LARGE1: variants seen among roughly 807,000 people sequenced by gnomAD.
The protein encoded by LARGE1 is LARGE xylosyl- and glucuronyltransferase 1.
A neutral mutation model predicts 87.6 loss-of-function variants in LARGE1; 43 were observed. That is an observed-to-expected ratio of 0.49 (90% CI 0.38 to 0.63). The LOEUF (loss-of-function observed/expected upper bound fraction) is 0.63. LARGE1 is among the 30% of genes least tolerant of loss of function. The pLI, the probability that LARGE1 is intolerant of heterozygous loss-of-function variation, is 0.00. For missense variants in LARGE1, 802 were observed against 1,000.2 expected, an observed-to-expected ratio of 0.80 and a Z score of 2.67; for synonymous variants, 434 against 394.6, an observed-to-expected ratio of 1.10 and a Z score of -1.18.
chr22:33,322,091 T>C (rs1347294594), intron 10 of LARGE1, among the ~76,000 whole-genome samples: 1 of 152,180 alleles, frequency 6.6e-6, no homozygotes, highest in Non-Finnish European at 1.5e-5. Context: ...AGTGCTGAGA[T>C]TACGGGCATG....
chr22:33,156,284 C>A, the LARGE1 span, among the ~76,000 whole-genome samples: 1 of 152,124 alleles, frequency 6.6e-6, no homozygotes, highest in East Asian at 1.9e-4. Context: ...TCTGGAAAAA[C>A]CACAGACACT....
At chr22:33,538,941 G>T (rs2077113044) in intron 6 of LARGE1, among the ~76,000 whole-genome samples, 1 of 152,076 alleles carries the variant, frequency 6.6e-6, no homozygotes, top group Admixed American at 6.6e-5. Flanking sequence ...CACATTTGAA[G>T]GTTGTGAAAA....
intron 6 of LARGE1, among the ~76,000 whole-genome samples, chr22:33,470,062 T>G (rs1601985059): frequency 1.3e-5 from 2 of 151,604 alleles, no homozygotes; most frequent in Admixed American, 6.6e-5. Context: ...GCTAATTTTT[T>G]GTATTTTTTA....
At chr22:33,111,260 G>A in the LARGE1 span, among the ~76,000 whole-genome samples, 22 of 152,084 alleles carry the variant, frequency 1.4e-4, no homozygotes, top group African/African-American at 4.1e-4. Context: ...TCTCAGGATC[G>A]CCGCTTCCTT....
At chr22:33,502,186 A>T (rs1041265868) in intron 6 of LARGE1, among the ~76,000 whole-genome samples, 2 of 101,418 alleles carry the variant, frequency 2.0e-5, no homozygotes, top group African/African-American at 7.4e-5. Flanking sequence ...GCAGAGTGAG[A>T]CCCCATCTTA....
At chr22:33,378,624 T>C (rs2065060741) in intron 9 of LARGE1, among the ~76,000 whole-genome samples, 1 of 152,232 alleles carries the variant, frequency 6.6e-6, no homozygotes, top group Non-Finnish European at 1.5e-5. Context: ...TTCTATACTC[T>C]CACACAGAAG....
At position 33,273,423 on chromosome 22, in the gene LARGE1, G is replaced by A; in HGVS notation, c.*1004C>T. ...TGAATCTTCAGAACTGGGCTTTCAT[G>A]AATTATGAAAGTTCTTCGAAAGGCC... On this transcript the variant is annotated 3_prime_UTR_variant, in exon 15 of 15. Transcript: ENST00000397394. The A allele has an allele frequency of 2.5e-6, 1 of 398,672 alleles. No individual in the cohort carries two copies. Among genetic ancestry groups the A allele is most frequent in the Non-Finnish European group, 4.4e-6 (1 of 226,070 alleles). 24.7% of individuals were successfully genotyped at this position (398,672 alleles called of 1,614,324 possible).
At chr22:33,183,636 A>ACTCACG (rs71187246) in intron 11 of LARGE1, among the ~76,000 whole-genome samples, 1 of 150,146 alleles carries the variant, frequency 6.7e-6, no homozygotes, top group African/African-American at 2.5e-5. Context: ...ACACACACAC[A>ACTCACG]CACACACACA....
intron 2 of LARGE1, among the ~76,000 whole-genome samples, chr22:33,688,182 T>C (rs979040186): frequency 6.6e-6 from 1 of 152,148 alleles, no homozygotes; most frequent in Non-Finnish European, 1.5e-5. Flanking sequence ...TGTCCACCTA[T>C]AAAGTAGAGG....
intron 2 of LARGE1, among the ~76,000 whole-genome samples, chr22:33,688,908 T>G (rs1424172627): frequency 1.3e-5 from 2 of 152,054 alleles, no homozygotes; most frequent in African/African-American, 4.8e-5. Flanking sequence ...TCCCTAATTT[T>G]TCCACCACTC....
At chr22:33,291,397 C>T (rs959402432) in intron 12 of LARGE1, among the ~76,000 whole-genome samples, 1 of 152,060 alleles carries the variant, frequency 6.6e-6, no homozygotes, top group Non-Finnish European at 1.5e-5. Context: ...GTCTGTCTAC[C>T]CTTATGCATT....
rs1252748236 is a variant in LARGE1 at position 33,187,905 on chromosome 22, G to A, written c.1731-21073C>T. On this transcript the variant is annotated intron_variant, in intron 11 of 11. Coordinates refer to the LARGE1 transcript ENST00000608642. ...CACCACTGCACTCTCCTGGGCAACA[G>A]AGTGAGACTCCGTCTCAAAAAAAAA... Among the ~76,000 whole-genome samples, 9 of 107,748 alleles carry A rather than the reference G, an allele frequency of 8.4e-5. No homozygotes were observed. In the East Asian group the frequency reaches 2.9e-3, roughly 35 times the overall value. The allele number at this position is 107,748 out of a possible 152,430, so 70.7% of individuals were successfully genotyped here.
At chr22:33,657,387 A>G (rs1409359688) in intron 2 of LARGE1, among the ~76,000 whole-genome samples, 2 of 152,156 alleles carry the variant, frequency 1.3e-5, no homozygotes, top group Non-Finnish European at 2.9e-5. Context: ...TCTCATCCGA[A>G]GCCAAGCCTC....
At chr22:33,331,067 T>C (rs1175332688) in intron 10 of LARGE1, among the ~76,000 whole-genome samples, 2 of 152,214 alleles carry the variant, frequency 1.3e-5, no homozygotes, top group Admixed American at 1.3e-4. Flanking sequence ...TGTGGAACAG[T>C]GGATTATGAT....
At position 33,273,508 on chromosome 22, in the gene LARGE1, A is replaced by C. The variant is rs1928543648; in HGVS notation, c.*919T>G. On this transcript the variant is annotated 3_prime_UTR_variant, in exon 15 of 15. Coordinates refer to ENST00000397394, the MANE Select transcript of LARGE1 (RefSeq NM_133642.5). Reference sequence around the variant, plus strand: ...GTTCCTTCAAAGCCCTTTCCCATGAATCAGTCACTGCCAATAGAAAATGTG... The same window carrying C: ...GTTCCTTCAAAGCCCTTTCCCATGACTCAGTCACTGCCAATAGAAAATGTG... The C allele has an allele frequency of 2.5e-6, 1 of 398,778 alleles. No individual in the cohort carries two copies. Among genetic ancestry groups the C allele is most frequent in the East Asian group, 3.6e-5 (1 of 28,086 alleles). 24.7% of individuals were successfully genotyped at this position (398,778 alleles called of 1,614,324 possible). A position where few individuals can be genotyped will look rare whatever the true frequency, so the allele number is the denominator to read the frequency against.
At chr22:33,820,604 G>A (rs1294843407) in intron 1 of LARGE1, among the ~76,000 whole-genome samples, 1 of 152,122 alleles carries the variant, frequency 6.6e-6, no homozygotes, top group Non-Finnish European at 1.5e-5. Context: ...TAGGATTATA[G>A]GCTTGAGCCA....
chr22:33,361,149 A>C lies in LARGE1; in HGVS notation c.1131+20770T>G, dbSNP rs900645076. 2.0e-5 allele frequency among the ~76,000 whole-genome samples: 3 copies of C among 149,186 alleles called. 1 individual carries two copies. The highest frequency in any genetic ancestry group is 1.5e-5 in the Non-Finnish European group (1 of 66,964). On this transcript the variant is annotated intron_variant, in intron 9 of 14. Transcript: ENST00000397394. Reference sequence around the variant, plus strand: ...TGCTTGAACCTGAGAGGTGGGGGTTACAGTGAGCCGAGAATGCGCCATTGC... The same window carrying C: ...TGCTTGAACCTGAGAGGTGGGGGTTCCAGTGAGCCGAGAATGCGCCATTGC...
chr22:33,549,788 C>G (rs1013953077), intron 6 of LARGE1, among the ~76,000 whole-genome samples: 2 of 152,160 alleles, frequency 1.3e-5, no homozygotes, highest in African/African-American at 4.8e-5. Context: ...AGCCCTGTGT[C>G]CAAGTGTTCT....
chr22:33,785,116 T>C (rs1225662908), intron 1 of LARGE1, among the ~76,000 whole-genome samples: 1 of 64,226 alleles, frequency 1.6e-5, no homozygotes, highest in Non-Finnish European at 3.1e-5. Flanking sequence ...CATACATATG[T>C]GTATATGCAT....
Sources: allele counts gnomAD v4.1 joint callset (sites outside exome capture counted in the v4.1 genomes callset), GRCh38; gene constraint gnomAD v4.1.1; transcripts MANE v1.5; gene names NCBI Gene and HGNC (gene_info 2026-07-23, HGNC 2026-07-21).